The following ASPH variants were observed in gnomAD, a reference collection of about 807,000 sequenced individuals.
ASPH encodes the protein aspartate beta-hydroxylase.
In ASPH, 100 loss-of-function variants were observed where a neutral mutation model predicts 118.4. The ratio of observed to expected loss-of-function variants is 0.84; its 90% confidence interval spans 0.72 to 1.00. The LOEUF is 1.00. Among genes scored for constraint, ASPH ranks in the 50% least tolerant of loss-of-function variants. ASPH has a pLI of 0.00. For synonymous variants in ASPH, 315 were observed against 325.6 expected, an observed-to-expected ratio of 0.97 and a Z score of 0.35; for missense variants, 920 against 919.5, an observed-to-expected ratio of 1.00 and a Z score of -0.01.
intron 1 of ASPH, among the ~76,000 whole-genome samples, chr8:61,702,315 C>T (rs889920970): frequency 2.2e-5 from 3 of 139,104 alleles, no homozygotes; most frequent in East Asian, 2.1e-4. Flanking sequence ...GACAGAGTCT[C>T]GCTCTGTCGC....
At chr8:61,529,791 T>C (rs1380560622) in intron 21 of ASPH, among the ~76,000 whole-genome samples, 1 of 152,216 alleles carries the variant, frequency 6.6e-6, no homozygotes, top group Non-Finnish European at 1.5e-5. Flanking sequence ...TGAGGGCCAC[T>C]TTCTGGTTCA....
chr8:61,540,786 T>A (rs1342254361), intron 21 of ASPH, among the ~76,000 whole-genome samples: 3 of 152,042 alleles, frequency 2.0e-5, no homozygotes, highest in African/African-American at 4.8e-5. Flanking sequence ...GAGCAAGAAG[T>A]AAGTTGAATG....
intron 14 of ASPH, chr8:61,606,825 G>A (rs1845706853): frequency 6.4e-6 from 1 of 155,548 alleles, no homozygotes; most frequent in South Asian, 2.0e-4. Context: ...CCCAAGTTAA[G>A]TACTGCTCTT....
At chr8:61,544,336 G>C (rs1052366990) in intron 21 of ASPH, among the ~76,000 whole-genome samples, 1 of 152,112 alleles carries the variant, frequency 6.6e-6, no homozygotes, top group Non-Finnish European at 1.5e-5. Context: ...TTTGTGGAGG[G>C]GTAGATTTAT....
chr8:61,521,009 T>C (rs969666750), intron 22 of ASPH, among the ~76,000 whole-genome samples: 7 of 152,204 alleles, frequency 4.6e-5, no homozygotes, highest in African/African-American at 1.7e-4. Flanking sequence ...TCATGCACTG[T>C]CACTGGTCAT....
chr8:61,539,062 T>A (rs1820697493), intron 21 of ASPH, among the ~76,000 whole-genome samples: 1 of 151,910 alleles, frequency 6.6e-6, no homozygotes. Context: ...GCCAACATGG[T>A]GAAACCCGTC....
At chr8:61,705,015 T>C (rs1836242730) in intron 1 of ASPH, among the ~76,000 whole-genome samples, 1 of 152,198 alleles carries the variant, frequency 6.6e-6, no homozygotes, top group Admixed American at 6.5e-5. Context: ...GCTTCTATAA[T>C]ATTCATAGAA....
At chr8:61,652,298 A>G (rs1187742236) in intron 4 of ASPH, among the ~76,000 whole-genome samples, 1 of 152,086 alleles carries the variant, frequency 6.6e-6, no homozygotes, top group East Asian at 1.9e-4. Context: ...CACTCTGCTC[A>G]CTCTTTAATG....
rs1398291954 is a variant in ASPH, at chr8:61,567,269, C to G, written c.1199G>C (p.Gly400Ala). 6.2e-7 allele frequency: 1 copy of G among 1,613,918 alleles called. No individual in the cohort carries two copies. The highest frequency in any genetic ancestry group is 8.5e-7 in the Non-Finnish European group (1 of 1,180,006). ...EKRRSNEVLR[G>A]AIETYQEVAS... Reference sequence around the variant, plus strand: ...CACCTCTTGGTAGGTCTCGATGGCTCCACGTAGCACCTCATTACTTCTCCT... The same window carrying G: ...CACCTCTTGGTAGGTCTCGATGGCTGCACGTAGCACCTCATTACTTCTCCT... The change falls in exon 17 of 25, where the codon GGA becomes GCA. Residue 400 changes from glycine (G) to alanine (A), a missense_variant. Coordinates refer to ENST00000379454, the MANE Select transcript of ASPH (RefSeq NM_004318.4).
intron 3 of ASPH, among the ~76,000 whole-genome samples, chr8:61,674,267 G>C (rs1171955870): frequency 6.6e-6 from 1 of 152,082 alleles, no homozygotes; most frequent in African/African-American, 2.4e-5. Context: ...ATATTTCATA[G>C]TACCCAAGTA....
At chr8:61,668,555 T>C (rs1820841559) in intron 3 of ASPH, among the ~76,000 whole-genome samples, 1 of 152,176 alleles carries the variant, frequency 6.6e-6, no homozygotes, top group Non-Finnish European at 1.5e-5. Flanking sequence ...AAATACTTAA[T>C]TGCCACTGGA....
intron 3 of ASPH, among the ~76,000 whole-genome samples, chr8:61,672,809 G>T (rs1823274640): frequency 6.6e-6 from 1 of 152,136 alleles, no homozygotes; most frequent in South Asian, 2.1e-4. Flanking sequence ...TAAAGTCTGG[G>T]TCACTGAGTT....
intron 14 of ASPH, among the ~76,000 whole-genome samples, chr8:61,602,182 T>C (rs1844181467): frequency 6.6e-6 from 1 of 151,310 alleles, no homozygotes; most frequent in Non-Finnish European, 1.5e-5. Flanking sequence ...GTATCCCTCA[T>C]GAACACAGAT....
At chr8:61,578,531 C>G (rs1420337981) in intron 15 of ASPH, 51 of 1,570,644 alleles carry the variant, frequency 3.2e-5, no homozygotes, top group Non-Finnish European at 4.1e-5. Context: ...AGTTTGCCTC[C>G]TTCACAGACA....
At chr8:61,609,018 T>A (rs1328910358) in intron 14 of ASPH, among the ~76,000 whole-genome samples, 1 of 152,160 alleles carries the variant, frequency 6.6e-6, no homozygotes, top group Non-Finnish European at 1.5e-5. Flanking sequence ...TAGCAGTTAA[T>A]TATCCGTACA....
chr8:61,566,780 G>A (rs1174037906), intron 17 of ASPH, among the ~76,000 whole-genome samples: 7 of 152,166 alleles, frequency 4.6e-5, no homozygotes, highest in South Asian at 4.1e-4. Flanking sequence ...TCAGATTATC[G>A]TTAGCATTTT....
At chr8:61,561,124 G>A (rs139588148) in intron 18 of ASPH, among the ~76,000 whole-genome samples, 6,196 of 47,508 alleles carry the variant, frequency 0.13, 341 homozygotes, top group East Asian at 0.3. Context: ...GGGAGGGAGG[G>A]AGGGAGGGAG....
At chr8:61,690,940 CAT>C (rs1193087914) in intron 1 of ASPH, among the ~76,000 whole-genome samples, 1 of 152,016 alleles carries the variant, frequency 6.6e-6, no homozygotes, top group East Asian at 1.9e-4. Flanking sequence ...CACTGAAACA[CAT>C]ATATTCAAAG....
At chr8:61,645,530 C>G (rs1447430207) in intron 6 of ASPH, among the ~76,000 whole-genome samples, 1 of 152,150 alleles carries the variant, frequency 6.6e-6, no homozygotes, top group Non-Finnish European at 1.5e-5. Flanking sequence ...AACTGGAAAC[C>G]TTGTCCCAAA....
Sources: allele counts gnomAD v4.1 joint callset (sites outside exome capture counted in the v4.1 genomes callset), GRCh38; gene constraint gnomAD v4.1.1; transcripts MANE v1.5; gene names NCBI Gene and HGNC (gene_info 2026-07-23, HGNC 2026-07-21).